The following SIPA1L1 variants were observed in gnomAD, a reference collection of about 807,000 sequenced individuals.
SIPA1L1 encodes the protein signal-induced proliferation-associated 1-like protein 1.
In SIPA1L1, 26 loss-of-function variants were observed where a neutral mutation model predicts 162.7. The observed-to-expected ratio is 0.16, with a 90% CI of 0.12 to 0.22. The LOEUF is 0.22. SIPA1L1 is among the 10% of genes least tolerant of loss of function. SIPA1L1 has a pLI of 1.00. For synonymous variants in SIPA1L1, 829 were observed against 837.4 expected, an observed-to-expected ratio of 0.99 and a Z score of 0.17; for missense variants, 1,874 against 2,241.0, an observed-to-expected ratio of 0.84 and a Z score of 3.31.
chr14:71,493,139 C>A (rs1457941604), intron 2 of SIPA1L1, among the ~76,000 whole-genome samples: 1 of 152,042 alleles, frequency 6.6e-6, no homozygotes, highest in Non-Finnish European at 1.5e-5. Context: ...GGCTGGAGTG[C>A]AGTGGTGTGA....
chr14:71,605,232 T>G (rs1387321973), intron 5 of SIPA1L1, among the ~76,000 whole-genome samples: 1 of 152,176 alleles, frequency 6.6e-6, no homozygotes, highest in Admixed American at 6.5e-5. Flanking sequence ...ATATTTCTGT[T>G]TGTTTCTTTT....
At chr14:71,419,545 C>T (rs1029088611) in intron 2 of SIPA1L1, among the ~76,000 whole-genome samples, 3 of 137,088 alleles carry the variant, frequency 2.2e-5, no homozygotes, top group African/African-American at 8.3e-5. Context: ...GGCCGGACTG[C>T]GGACTGCAGT....
At chr14:71,447,562 ATT>A (rs61686460) in intron 2 of SIPA1L1, among the ~76,000 whole-genome samples, 15,926 of 127,742 alleles carry the variant, frequency 0.12, 943 homozygotes, top group East Asian at 0.33. Flanking sequence ...TGTACTGTGG[ATT>A]TTTTTTTTTT....
chr14:71,493,050 T>A (rs1247919077), intron 2 of SIPA1L1, among the ~76,000 whole-genome samples: 2 of 152,164 alleles, frequency 1.3e-5, no homozygotes, highest in East Asian at 3.9e-4. Flanking sequence ...AGAATATATC[T>A]GTGGTGCCTG....
At chr14:71,387,721 C>G (rs931761684) in intron 2 of SIPA1L1, among the ~76,000 whole-genome samples, 1 of 152,188 alleles carries the variant, frequency 6.6e-6, no homozygotes, top group African/African-American at 2.4e-5. Context: ...GTTACGATTT[C>G]TGTTCTACAC....
At chr14:71,542,226 C>T (rs2054449648) in intron 4 of SIPA1L1, among the ~76,000 whole-genome samples, 1 of 152,088 alleles carries the variant, frequency 6.6e-6, no homozygotes, top group African/African-American at 2.4e-5. Flanking sequence ...GTTAGGTGTG[C>T]ACCACCATGC....
Position 71,709,317 on chromosome 14 carries a change from C to T in SIPA1L1, c.3861C>T (p.Arg1287=). 2 of 1,614,232 alleles carry T rather than the reference C, an allele frequency of 1.2e-6. No individual in the cohort carries two copies. Among genetic ancestry groups the T allele is most frequent in the Middle Eastern group, 1.6e-4 (1 of 6,062 alleles). ...ATGAGAAGTGGTACGATGGGGACCGCACAGAATCCGAACTCAACAGCTATA... is the reference window on the plus strand; with the variant it reads ...ATGAGAAGTGGTACGATGGGGACCGTACAGAATCCGAACTCAACAGCTATA... ...HSDEKWYDGD[R]TESELNSYNY... is the part of the protein sequence containing the mutation. The change falls in exon 17 of 24, where the codon CGC becomes CGT. Residue 1287 remains arginine (R), a synonymous_variant. Transcript: ENST00000381232.
chr14:71,575,827 A>G (rs2032933420), intron 4 of SIPA1L1, among the ~76,000 whole-genome samples: 1 of 152,188 alleles, frequency 6.6e-6, no homozygotes, highest in Non-Finnish European at 1.5e-5. Flanking sequence ...TGGGGTGAGA[A>G]GGTCAAACCC....
At chr14:71,342,815 A>G (rs2035794085) in intron 2 of SIPA1L1, among the ~76,000 whole-genome samples, 1 of 152,168 alleles carries the variant, frequency 6.6e-6, no homozygotes, top group Non-Finnish European at 1.5e-5. Flanking sequence ...TTGGTTTATT[A>G]GATAAGGATT....
chr14:71,689,378 G>A (rs1403641224), intron 13 of SIPA1L1, among the ~76,000 whole-genome samples: 4 of 152,212 alleles, frequency 2.6e-5, no homozygotes. Flanking sequence ...TGTGAGAGTA[G>A]TAGTTATTAA....
intron 2 of SIPA1L1, among the ~76,000 whole-genome samples, chr14:71,366,494 T>C (rs2038308438): frequency 6.6e-6 from 1 of 152,176 alleles, no homozygotes; most frequent in African/African-American, 2.4e-5. Flanking sequence ...TGGAGTGCAG[T>C]GGCGTGATCT....
At chr14:71,456,156 T>A (rs988751604) in intron 2 of SIPA1L1, among the ~76,000 whole-genome samples, 4 of 152,222 alleles carry the variant, frequency 2.6e-5, no homozygotes, top group African/African-American at 9.6e-5. Context: ...TACTAATATG[T>A]GTAAAACAAC....
chr14:71,343,222 A>G (rs917616725), intron 2 of SIPA1L1, among the ~76,000 whole-genome samples: 3 of 152,208 alleles, frequency 2.0e-5, no homozygotes, highest in East Asian at 1.9e-4. Context: ...AGTATTGAGG[A>G]CATGCCACCC....
intron 4 of SIPA1L1, chr14:71,576,646 G>A (rs2033073387): frequency 6.6e-6 from 1 of 152,204 alleles, no homozygotes; most frequent in Non-Finnish European, 1.5e-5. Flanking sequence ...TGCAGGCTGA[G>A]TCACTTGGTA....
intron 2 of SIPA1L1, among the ~76,000 whole-genome samples, chr14:71,323,365 G>C (rs967457186): frequency 6.6e-6 from 1 of 152,148 alleles, no homozygotes; most frequent in African/African-American, 2.4e-5. Context: ...GGAGCATGAG[G>C]AGAGCTGAAA....
intron 2 of SIPA1L1, among the ~76,000 whole-genome samples, chr14:71,328,570 A>G (rs2034112363): frequency 6.6e-6 from 1 of 152,226 alleles, no homozygotes; most frequent in African/African-American, 2.4e-5. Context: ...AATGCAGCCA[A>G]CTGAGGATTG....
chr14:71,730,355 C>G (rs1412532925), intron 20 of SIPA1L1, 54 bp downstream of exon 20: 1 of 1,593,722 alleles, frequency 6.3e-7, no homozygotes, highest in Non-Finnish European at 8.6e-7. Flanking sequence ...TGGTCAGTGT[C>G]CCCAGACGTG....
chr14:71,486,173 T>C lies in SIPA1L1; in HGVS notation c.-464-26570T>C, dbSNP rs908967917. On this transcript the variant is annotated intron_variant, in intron 2 of 23. Transcript: ENST00000381232. Reference sequence around the variant, plus strand: ...ACCCTAAATGTATTTGCAACTGTTTTTTGCCAAATCTTACCATGTGTACTT... The same window carrying C: ...ACCCTAAATGTATTTGCAACTGTTTCTTGCCAAATCTTACCATGTGTACTT... Among the ~76,000 whole-genome samples the C allele has an allele frequency of 2.0e-5, 3 of 152,262 alleles. No homozygotes were observed. In the East Asian group the frequency reaches 5.8e-4, roughly 29 times the overall value.
intron 4 of SIPA1L1, among the ~76,000 whole-genome samples, chr14:71,557,116 ACTT>A (rs1312226625): frequency 1.3e-5 from 2 of 152,068 alleles, no homozygotes; most frequent in African/African-American, 4.8e-5. Context: ...ACCCATTAAT[ACTT>A]CTTTTCCCAT....
Sources: gnomAD v4.1 joint callset for allele counts (sites outside exome capture counted in the v4.1 genomes callset) on GRCh38, gnomAD v4.1.1 for gene constraint, MANE v1.5 for transcripts, NCBI Gene and HGNC (gene_info 2026-07-23, HGNC 2026-07-21) for gene names.